CNIH3: variants seen among roughly 807,000 people sequenced by gnomAD.
CNIH3 encodes the protein cornichon family AMPA receptor auxiliary protein 3, also known as protein cornichon homolog 3.
CNIH3 carries 14 observed loss-of-function variants against 24.1 expected under a neutral mutation model. That is an observed-to-expected ratio of 0.58 (90% CI 0.38 to 0.91). The LOEUF (loss-of-function observed/expected upper bound fraction) is 0.91, where lower values mean the gene tolerates loss of function less well. Ranked by LOEUF, CNIH3 falls within the 40% of genes least tolerant of loss-of-function variation. The pLI, the probability that CNIH3 is intolerant of heterozygous loss-of-function variation, is 0.00. For synonymous variants in CNIH3, 68 were observed against 73.8 expected (o/e 0.92, Z 0.40); for missense variants, 178 against 196.8 (o/e 0.90, Z 0.57).
chr1:224,485,854 C>T (rs1408674209), intron 1 of CNIH3, among the ~76,000 whole-genome samples: 2 of 152,158 alleles, frequency 1.3e-5, no homozygotes, highest in Non-Finnish European at 2.9e-5. Flanking sequence ...TGTATCCATC[C>T]ACAATCATCA....
At chr1:224,621,294 G>A (rs1019180013) in intron 1 of CNIH3, among the ~76,000 whole-genome samples, 1 of 152,198 alleles carries the variant, frequency 6.6e-6, no homozygotes, top group Non-Finnish European at 1.5e-5. Context: ...TCATGGTGGA[G>A]TGTTTTGCCA....
intron 1 of CNIH3, among the ~76,000 whole-genome samples, chr1:224,647,089 C>T (rs1166459827): frequency 2.6e-5 from 4 of 152,132 alleles, no homozygotes; most frequent in Non-Finnish European, 5.9e-5. Flanking sequence ...TGGGTCCAAG[C>T]GATTCTCCTG....
chr1:224,513,145 T>C (rs1678226955), upstream of CNIH3, among the ~76,000 whole-genome samples: 1 of 151,994 alleles, frequency 6.6e-6, no homozygotes, highest in Non-Finnish European at 1.5e-5. Flanking sequence ...CTTTGTATAA[T>C]TTACAATTTG....
intron 3 of CNIH3, among the ~76,000 whole-genome samples, chr1:224,547,892 T>A (rs1466995101): frequency 6.6e-6 from 1 of 151,954 alleles, no homozygotes; most frequent in African/African-American, 2.4e-5. Flanking sequence ...GTACACCCCA[T>A]GATATTGTTT....
At position 224,604,516 on chromosome 1, in the gene CNIH3, C is replaced by T. The variant is rs554552422; in HGVS notation, n.402+38252C>T. On this transcript the variant is annotated intron_variant and non_coding_transcript_variant, in intron 3 of 7. Transcript: ENST00000478120. This position sits in a 1 kb window ranked among gnomAD's most constrained non-coding sequence, Gnocchi z 4.4. ...GGAGCCTCTGAAGAAGGGACCCCTA[C>T]GCCGCTTTGTGCCAGTGACTTGTGG... Among the ~76,000 whole-genome samples, 2 of 152,282 alleles carry T rather than the reference C, an allele frequency of 1.3e-5. No individual in the cohort carries two copies. Among genetic ancestry groups the T allele is most frequent in the Non-Finnish European group, 2.9e-5 (2 of 68,012 alleles).
chr1:224,714,775 C>T (rs542460513), intron 3 of CNIH3, among the ~76,000 whole-genome samples: 9 of 152,318 alleles, frequency 5.9e-5, no homozygotes, highest in East Asian at 1.9e-4. Flanking sequence ...TGAACACCTA[C>T]GCTAGGACCC....
intron 2 of CNIH3, among the ~76,000 whole-genome samples, chr1:224,522,371 T>C (rs1036235428): frequency 7.2e-5 from 11 of 152,132 alleles, no homozygotes; most frequent in Non-Finnish European, 1.5e-4. Flanking sequence ...GAATAGAAGA[T>C]ACTACTAAAA....
chr1:224,631,970 G>A (rs1056152561), intron 1 of CNIH3, among the ~76,000 whole-genome samples: 8 of 152,156 alleles, frequency 5.3e-5, no homozygotes, highest in African/African-American at 1.9e-4. Context: ...ACTGTGTTCT[G>A]TGAACGTTTT....
intron 4 of CNIH3, among the ~76,000 whole-genome samples, chr1:224,572,430 C>T (rs889548414): frequency 2.0e-5 from 3 of 150,968 alleles, no homozygotes; most frequent in Non-Finnish European, 2.9e-5. Flanking sequence ...GGATGAGAAT[C>T]GCTTGAATCT....
chr1:224,542,982 C>T (rs1679570237), intron 2 of CNIH3, among the ~76,000 whole-genome samples: 1 of 152,154 alleles, frequency 6.6e-6, no homozygotes, highest in Non-Finnish European at 1.5e-5. Flanking sequence ...TCATGCTAGG[C>T]CTCTAGACAG....
intron 3 of CNIH3, among the ~76,000 whole-genome samples, chr1:224,688,398 C>T (rs1175857178): frequency 6.6e-6 from 1 of 152,098 alleles, no homozygotes; most frequent in South Asian, 2.1e-4. Context: ...CACTAGAATG[C>T]CAGTTCTGGA....
chr1:224,597,480 G>A (rs1682033246), intron 3 of CNIH3, among the ~76,000 whole-genome samples: 1 of 152,044 alleles, frequency 6.6e-6, no homozygotes, highest in Non-Finnish European at 1.5e-5. Flanking sequence ...CATCCTCTTT[G>A]GTCCAATCAC....
At position 224,734,557 on chromosome 1, in the gene CNIH3, C is replaced by A. The variant is rs756158813; in HGVS notation, c.312-6C>A. 1.2e-6 allele frequency: 2 copies of A among 1,614,008 alleles called. No homozygotes were observed. Among genetic ancestry groups the A allele is most frequent in the Non-Finnish European group, 8.5e-7 (1 of 1,179,922 alleles). On this transcript the variant is annotated splice_region_variant and splice_polypyrimidine_tract_variant and intron_variant, in intron 4 of 5. Transcript: ENST00000272133. ...TCAGAGACAATGATGTCCTCTCTCC[C>A]TGCAGGTATTTCCACTGTCCAGCAG...
At chr1:224,563,002 T>C (rs1032995048) in intron 3 of CNIH3, among the ~76,000 whole-genome samples, 5 of 152,216 alleles carry the variant, frequency 3.3e-5, no homozygotes, top group African/African-American at 1.2e-4. Flanking sequence ...TTGCAAAATC[T>C]GCTACTCAAT....
intron 1 of CNIH3, among the ~76,000 whole-genome samples, chr1:224,491,330 G>T (rs1677228031): frequency 6.6e-6 from 1 of 152,142 alleles, no homozygotes; most frequent in South Asian, 2.1e-4. Flanking sequence ...ATAAGTTCCA[G>T]GGCAGTTTTC....
At chr1:224,569,115 G>C (rs1054028869) in intron 4 of CNIH3, among the ~76,000 whole-genome samples, 2 of 152,074 alleles carry the variant, frequency 1.3e-5, no homozygotes, top group Non-Finnish European at 2.9e-5. Flanking sequence ...TGATCTGCCC[G>C]TCTCGGCCTC....
chr1:224,542,751 T>C (rs1679560924), intron 2 of CNIH3, among the ~76,000 whole-genome samples: 1 of 152,210 alleles, frequency 6.6e-6, no homozygotes, highest in Admixed American at 6.5e-5. Context: ...AGAATGCCAC[T>C]GTAAGCTCCA....
chr1:224,727,050 C>A (rs1572823197), intron 3 of CNIH3, among the ~76,000 whole-genome samples: 1 of 152,176 alleles, frequency 6.6e-6, no homozygotes, highest in Non-Finnish European at 1.5e-5. Flanking sequence ...ACTGCCCACA[C>A]AAATGAATGA....
chr1:224,662,206 C>CATA (rs1685395716), intron 1 of CNIH3, among the ~76,000 whole-genome samples: 1 of 152,124 alleles, frequency 6.6e-6, no homozygotes, highest in Admixed American at 6.6e-5. Flanking sequence ...TTTTAAATTA[C>CATA]ATAAAAAGTT....
Sources: gnomAD v4.1 joint callset for allele counts (sites outside exome capture counted in the v4.1 genomes callset) on GRCh38, gnomAD v4.1.1 for gene constraint, Gnocchi (gnomAD v3.1) non-coding constraint, MANE v1.5 for transcripts, NCBI Gene and HGNC (gene_info 2026-07-23, HGNC 2026-07-21) for gene names.